Variants in NEK10 observed in about 807,000 individuals in gnomAD.
The protein encoded by NEK10 is NIMA related kinase 10.
A neutral mutation model predicts 159.8 loss-of-function variants in NEK10; 122 were observed. The observed-to-expected ratio is 0.76, with a 90% CI of 0.66 to 0.89. NEK10 has a LOEUF of 0.89. NEK10 is among the 40% of genes least tolerant of loss of function. The probability of loss-of-function intolerance (pLI) is 0.00; values close to 1 mark genes in which losing one functional copy is unlikely to be tolerated. For synonymous variants in NEK10, 466 were observed against 457.1 expected (o/e 1.02, Z -0.25); for missense variants, 1,342 against 1,323.1 (o/e 1.01, Z -0.22).
At chr3:27,347,557 A>AT (rs2047656037) in intron 3 of NEK10, among the ~76,000 whole-genome samples, 2 of 150,172 alleles carry the variant, frequency 1.3e-5, no homozygotes, top group East Asian at 2.0e-4. Context: ...CAAAGAGAAT[A>AT]TGCCTGACTT....
At chr3:27,348,641 C>A (rs1232181113) in intron 3 of NEK10, among the ~76,000 whole-genome samples, 1 of 152,164 alleles carries the variant, frequency 6.6e-6, no homozygotes, top group Non-Finnish European at 1.5e-5. Flanking sequence ...AACCTCCTGA[C>A]AAGCACTTGC....
intron 3 of NEK10, among the ~76,000 whole-genome samples, chr3:27,351,511 A>G (rs1182499123): frequency 3.3e-5 from 5 of 152,172 alleles, no homozygotes; most frequent in Admixed American, 6.6e-5. Context: ...AGTTGTAATT[A>G]TTAAGCAGGG....
At chr3:27,153,319 CAAAA>C (rs34333130) in intron 30 of NEK10, among the ~76,000 whole-genome samples, 1 of 90,648 alleles carries the variant, frequency 1.1e-5, no homozygotes, top group Non-Finnish European at 2.2e-5. Context: ...GACTCCATCT[CAAAA>C]AAAAAAAAAA....
chr3:27,139,762 T>C (rs973823796), intron 31 of NEK10, among the ~76,000 whole-genome samples: 1 of 152,140 alleles, frequency 6.6e-6, no homozygotes, highest in Non-Finnish European at 1.5e-5. Context: ...AGGGGTGATT[T>C]CAAAGGCTCA....
intron 32 of NEK10, among the ~76,000 whole-genome samples, chr3:27,130,482 C>G (rs1257691331): frequency 2.0e-5 from 3 of 151,974 alleles, no homozygotes; most frequent in Non-Finnish European, 4.4e-5. Flanking sequence ...GTTGCAACAC[C>G]AAAAACATAA....
Position 27,109,541 on chromosome 3 carries a change from A to G in NEK10, c.*1731T>C, listed in dbSNP as rs1939316313. 6.6e-6 allele frequency among the ~76,000 whole-genome samples: 1 copy of G among 152,162 alleles called. No individual in the cohort carries two copies. Among genetic ancestry groups the G allele is most frequent in the South Asian group, 2.1e-4 (1 of 4,826 alleles). ...TATTCTTTCCTAAATTCTGTTTACT[A>G]TATACTACCATTTGGGAAATAACTT... On this transcript the variant is annotated 3_prime_UTR_variant, in exon 36 of 36. Transcript: ENST00000691995.
At position 27,116,134 on chromosome 3, in the gene NEK10, A is replaced by G. The variant is rs1341300545; in HGVS notation, c.3191-7T>C. 1 of 1,612,880 alleles carries G rather than the reference A, an allele frequency of 6.2e-7. No individual in the cohort carries two copies. The highest frequency in any genetic ancestry group is 8.5e-7 in the Non-Finnish European group (1 of 1,179,208). ...TCAATGCTGGTTGGTAAACCTAAAA[A>G]AGATAAATTATGGAAAGTCTGACAT... On this transcript the variant is annotated splice_region_variant and splice_polypyrimidine_tract_variant and intron_variant, in intron 33 of 35. Coordinates refer to ENST00000691995, the MANE Select transcript of NEK10 (RefSeq NM_001394966.1).
chr3:27,196,844 C>T (rs1043169487), intron 25 of NEK10, among the ~76,000 whole-genome samples: 6 of 152,026 alleles, frequency 3.9e-5, no homozygotes, highest in African/African-American at 1.5e-4. Context: ...ATGTACTTTC[C>T]AAAAAACAAC....
Position 27,295,662 on chromosome 3 carries a change from A to C in NEK10, c.1259T>G (p.Leu420Ter). ...ATTCTTTTGCTTATTTGGTAAAATT[A>C]ATTTTGCTATTGTATATACACCATT... ...QENGVYTIAKLILPNKQKNAA... is the reference protein window; with the variant it reads ...QENGVYTIAK The change falls in exon 15 of 36, where the codon TTA becomes TGA. Residue 420 changes from leucine (L) to a stop codon, truncating the protein, a stop_gained. Transcript: ENST00000691995. LOFTEE classifies it high-confidence loss of function. 6.4e-7 allele frequency: 1 copy of C among 1,567,638 alleles called. No homozygotes were observed. The highest frequency in any genetic ancestry group is 8.7e-7 in the Non-Finnish European group (1 of 1,153,722).
chr3:27,298,276 T>C (rs907143369), intron 13 of NEK10, among the ~76,000 whole-genome samples: 11 of 152,172 alleles, frequency 7.2e-5, no homozygotes, highest in Non-Finnish European at 1.3e-4. Flanking sequence ...TGCACTGTTC[T>C]TGTGATAGTG....
At chr3:27,176,035 T>C (rs1406208587) in intron 26 of NEK10, among the ~76,000 whole-genome samples, 1 of 152,112 alleles carries the variant, frequency 6.6e-6, no homozygotes, top group Non-Finnish European at 1.5e-5. Context: ...TCCATAATAA[T>C]AGAATTTGCA....
intron 22 of NEK10, among the ~76,000 whole-genome samples, chr3:27,262,693 AAGGAC>A (rs1179216307): frequency 1.3e-5 from 2 of 151,988 alleles, no homozygotes; most frequent in African/African-American, 4.8e-5. Flanking sequence ...CATGTCCTTT[AAGGAC>A]TTCTCTGCAT....
chr3:27,145,652 T>G (rs1479464000), intron 30 of NEK10, among the ~76,000 whole-genome samples: 1 of 152,116 alleles, frequency 6.6e-6, no homozygotes, highest in Non-Finnish European at 1.5e-5. Flanking sequence ...ACATTTAGTC[T>G]GCTTTAATCC....
At chr3:27,137,206 TA>T (rs1272857430) in intron 31 of NEK10, among the ~76,000 whole-genome samples, 22 of 152,190 alleles carry the variant, frequency 1.4e-4, no homozygotes, top group Non-Finnish European at 2.8e-4. Flanking sequence ...TCACGATAGT[TA>T]TATTTGAACT....
At chr3:27,279,603 A>C (rs972665862) in intron 22 of NEK10, among the ~76,000 whole-genome samples, 1 of 152,228 alleles carries the variant, frequency 6.6e-6, no homozygotes, top group Non-Finnish European at 1.5e-5. Context: ...ATTATATTTA[A>C]AGTATTTTTT....
intron 23 of NEK10, among the ~76,000 whole-genome samples, chr3:27,204,301 G>GTTTTTTTTTTTTTTTTTTTTTTTTTTTT (rs567092116): frequency 3.0e-5 from 2 of 66,380 alleles, no homozygotes; most frequent in Admixed American, 2.0e-4. Context: ...TTTTGTTGTT[G>GTTTTTTTTTTTTTTTTTTTTTTTTTTTT]TTTTTTTTTT....
At chr3:27,136,103 A>ATTTTT (rs775843715) in intron 31 of NEK10, among the ~76,000 whole-genome samples, 1 of 60,680 alleles carries the variant, frequency 1.6e-5, no homozygotes, top group African/African-American at 6.2e-5. Context: ...TAGGAGATCG[A>ATTTTT]TTTTTTTTTT....
chr3:27,341,840 G>T (rs553823862), intron 5 of NEK10, among the ~76,000 whole-genome samples: 2 of 151,842 alleles, frequency 1.3e-5, no homozygotes, highest in East Asian at 3.9e-4. Flanking sequence ...AGTTGAAAGG[G>T]GTCACACTTC....
At chr3:27,270,287 A>G (rs1242264940) in intron 22 of NEK10, among the ~76,000 whole-genome samples, 1 of 152,104 alleles carries the variant, frequency 6.6e-6, no homozygotes, top group Non-Finnish European at 1.5e-5. Flanking sequence ...TAAAAGGCCA[A>G]ATGGAAGAGA....
Sources: gnomAD v4.1 joint callset for allele counts (sites outside exome capture counted in the v4.1 genomes callset) on GRCh38, gnomAD v4.1.1 for gene constraint, MANE v1.5 for transcripts, NCBI Gene and HGNC (gene_info 2026-07-23, HGNC 2026-07-21) for gene names.